The following PTCHD1 variants were observed in gnomAD, a reference collection of about 807,000 sequenced individuals.
The protein encoded by PTCHD1 is patched domain-containing protein 1.
PTCHD1 carries 3 observed loss-of-function variants against 34.6 expected under a neutral mutation model. The ratio of observed to expected loss-of-function variants is 0.09; its 90% CI spans 0.04 to 0.22. The LOEUF is 0.22. Among genes scored for constraint, PTCHD1 ranks in the 10% least tolerant of loss-of-function variants. The pLI is 1.00. For synonymous variants in PTCHD1, 305 were observed against 283.1 expected (o/e 1.08, Z -0.77); for missense variants, 504 against 685.5 (o/e 0.74, Z 2.96).
chrX:23,384,920 T>C (rs1184464586), intron 2 of PTCHD1, among the ~76,000 whole-genome samples: 1 of 111,921 alleles, frequency 8.9e-6, no homozygotes, highest in African/African-American at 3.2e-5. Context: ...TAGAAATCCA[T>C]TATTTGCAAC....
chrX:23,383,238 A>T (rs1175114360), intron 2 of PTCHD1, among the ~76,000 whole-genome samples: 1 of 112,466 alleles, frequency 8.9e-6, no homozygotes, highest in East Asian at 2.8e-4. Flanking sequence ...CAAATCAAAA[A>T]GTATATAGCC....
At chrX:23,368,722 G>T (rs1231034066) in intron 1 of PTCHD1, among the ~76,000 whole-genome samples, 1 of 111,734 alleles carries the variant, frequency 8.9e-6, no homozygotes, top group African/African-American at 3.3e-5. Flanking sequence ...GTTTTGTTTT[G>T]TTTTTTTCTT....
chrX:23,363,538 A>G (rs751806959), intron 1 of PTCHD1, among the ~76,000 whole-genome samples: 1 of 112,636 alleles, frequency 8.9e-6, no homozygotes, highest in Admixed American at 9.3e-5. Context: ...AAGTGTCCCA[A>G]TTTTCCAGGT....
chrX:23,360,584 C>G (rs1386408560), intron 1 of PTCHD1, among the ~76,000 whole-genome samples: 4 of 111,314 alleles, frequency 3.6e-5, no homozygotes, highest in Non-Finnish European at 7.5e-5. Context: ...TTTTGTTGAT[C>G]TTTTCAAAAA....
At chrX:23,389,134 G>A (rs1361073225) in intron 2 of PTCHD1, among the ~76,000 whole-genome samples, 3 of 112,031 alleles carry the variant, frequency 2.7e-5, no homozygotes, top group Non-Finnish European at 3.8e-5. Flanking sequence ...CACTGTCCCA[G>A]AGGAGTTTAC....
rs1025388411 is a variant in PTCHD1 at position 23,403,156 on chromosome X, G to A, written c.*8971G>A. 6.2e-5 allele frequency: 7 copies of A among 112,064 alleles called. No homozygotes were observed. Among genetic ancestry groups the A allele is most frequent in the African/African-American group, 1.9e-4 (6 of 30,878 alleles). The allele number at this position is 112,064 out of a possible 1,213,427, so 9.2% of individuals were successfully genotyped here. A position where few individuals can be genotyped will look rare whatever the true frequency, so the allele number is the denominator to read the frequency against. ...TAAGTTGCTTCCATGGCAATAGATC[G>A]TAAGACCACAGCTTGTCAAAGTAAC... On this transcript the variant is annotated 3_prime_UTR_variant, in exon 3 of 3. Coordinates refer to ENST00000379361, the MANE Select transcript of PTCHD1 (RefSeq NM_173495.3).
intron 1 of PTCHD1, among the ~76,000 whole-genome samples, chrX:23,348,572 T>C (rs1387975766): frequency 1.8e-5 from 2 of 109,821 alleles, no homozygotes; most frequent in African/African-American, 6.6e-5. Context: ...ACCTTATATA[T>C]AGAGGAACAA....
intron 1 of PTCHD1, among the ~76,000 whole-genome samples, chrX:23,345,135 G>T (rs1360566581): frequency 8.9e-6 from 1 of 111,883 alleles, no homozygotes; most frequent in Non-Finnish European, 1.9e-5. Context: ...TACCCCTTTA[G>T]AAAATTGCTT....
In PTCHD1 at chrX:23,402,999, G is replaced by A. The variant is rs953639380; in HGVS notation, c.*8814G>A. On this transcript the variant is annotated 3_prime_UTR_variant, in exon 3 of 3. Coordinates refer to ENST00000379361, the MANE Select transcript of PTCHD1 (RefSeq NM_173495.3). ...TTGAATATTTAGTAATGTTGGAAAA[G>A]ATCCTCACCCTAGACATAAAATAGT... The A allele has an allele frequency of 8.9e-6, 1 of 112,553 alleles. No homozygotes were observed. Among genetic ancestry groups the A allele is most frequent in the Non-Finnish European group, 1.9e-5 (1 of 53,312 alleles). The allele number at this position is 112,553 out of a possible 1,213,427, so 9.3% of individuals were successfully genotyped here. A position where few individuals can be genotyped will look rare whatever the true frequency, so the allele number is the denominator to read the frequency against.
chrX:23,355,762 G>C (rs1161723078), intron 1 of PTCHD1, among the ~76,000 whole-genome samples: 1 of 112,185 alleles, frequency 8.9e-6, no homozygotes, highest in Non-Finnish European at 1.9e-5. Flanking sequence ...ACTTCAGCCT[G>C]GAAAAGGAGA....
intron 1 of PTCHD1, among the ~76,000 whole-genome samples, chrX:23,351,991 A>G (rs1601904826): frequency 1.8e-5 from 2 of 112,112 alleles, no homozygotes; most frequent in South Asian, 7.6e-4. Flanking sequence ...AAAATATTTT[A>G]AAACCCATGG....
intron 2 of PTCHD1, among the ~76,000 whole-genome samples, chrX:23,382,373 T>G (rs1252428414): frequency 8.9e-6 from 1 of 112,697 alleles, no homozygotes; most frequent in Non-Finnish European, 1.9e-5. Flanking sequence ...TTTTATAAAG[T>G]AAACTGCAAT....
In PTCHD1 at chrX:23,397,666, G is replaced by A. The variant is rs933015111; in HGVS notation, c.*3481G>A. On this transcript the variant is annotated 3_prime_UTR_variant, in exon 3 of 3. Coordinates refer to ENST00000379361, the MANE Select transcript of PTCHD1 (RefSeq NM_173495.3). ...GCCACGCTTATGTATGCAATATACC[G>A]CTCCAAATGAGGACCTTGGTAACCC... 4.1e-4 allele frequency: 46 copies of A among 111,261 alleles called. 1 individual carries two copies. The highest frequency in any genetic ancestry group is 1.3e-3 in the African/African-American group (41 of 30,550). 9.2% of individuals were successfully genotyped at this position (111,261 alleles called of 1,213,427 possible). A position where few individuals can be genotyped will look rare whatever the true frequency, so the allele number is the denominator to read the frequency against.
At position 23,335,120 on chromosome X, in the gene PTCHD1, G is replaced by T; in HGVS notation, c.245G>T (p.Arg82Leu). The T allele has an allele frequency of 8.3e-7, 1 of 1,211,562 alleles. No homozygotes were observed. Among genetic ancestry groups the T allele is most frequent in the East Asian group, 3.0e-5 (1 of 33,804 alleles). The change falls in exon 1 of 3, where the codon CGT (arginine) becomes CTT (leucine). Residue 82 changes from arginine (R) to leucine (L), a missense_variant. Arg to Leu is a moderately radical substitution (Grantham distance 102). Coordinates refer to ENST00000379361, the MANE Select transcript of PTCHD1 (RefSeq NM_173495.3). Reference sequence around the variant, plus strand: ...TTCCCGGTCAACCGCTCCAAGCACCGTCTCTACTCGGACCTGCAGACCCCC... The same window carrying T: ...TTCCCGGTCAACCGCTCCAAGCACCTTCTCTACTCGGACCTGCAGACCCCC... ...SLFPVNRSKH[R>L]LYSDLQTPGR...
chrX:23,379,914 G>A lies in PTCHD1; in HGVS notation c.675G>A (p.Val225=). The A allele has an allele frequency of 2.5e-6, 3 of 1,211,921 alleles. No homozygotes were observed. The East Asian group carries it at 8.9e-5, about 36-fold the overall frequency. Residue 225 remains valine (V), a synonymous_variant, in exon 2 of 3, where the codon GTG becomes GTA. Transcript: ENST00000379361. ...CAATCAACAGTCTCAATGACATGGT[G>A]GCTGAGAGGTGGGAGTCCAGCTTCT... The part of the protein sequence containing the change: ...LQSINSLNDM[V]AERWESSFCD...
At chrX:23,351,960 T>G (rs1921648202) in intron 1 of PTCHD1, among the ~76,000 whole-genome samples, 1 of 112,092 alleles carries the variant, frequency 8.9e-6, no homozygotes, top group African/African-American at 3.2e-5. Flanking sequence ...GAAGCCTTTT[T>G]TAAAATATGG....
At chrX:23,337,763 T>C (rs775968053) in intron 1 of PTCHD1, among the ~76,000 whole-genome samples, 2 of 111,458 alleles carry the variant, frequency 1.8e-5, no homozygotes, top group East Asian at 2.8e-4. Flanking sequence ...CTGAGGCTTT[T>C]TCATACCCCA....
chrX:23,360,800 C>T (rs1310491992), intron 1 of PTCHD1, among the ~76,000 whole-genome samples: 4 of 111,882 alleles, frequency 3.6e-5, no homozygotes, highest in Non-Finnish European at 7.5e-5. Flanking sequence ...CTATAAATTG[C>T]CCTCTACACC....
chrX:23,378,134 T>C (rs752628666), intron 1 of PTCHD1, among the ~76,000 whole-genome samples: 5 of 112,233 alleles, frequency 4.5e-5, no homozygotes, highest in African/African-American at 1.6e-4. Context: ...ACGGGCCACA[T>C]TTTATACAGA....
Sources: gnomAD v4.1 joint callset for allele counts (sites outside exome capture counted in the v4.1 genomes callset) on GRCh38, gnomAD v4.1.1 for gene constraint, MANE v1.5 for transcripts, NCBI Gene and HGNC (gene_info 2026-07-23, HGNC 2026-07-21) for gene names.